Variants in ULK4 observed in about 807,000 individuals in gnomAD.
ULK4 encodes the protein unc-51 like kinase 4.
Under a neutral mutation model 160.6 loss-of-function variants are expected in ULK4, and 133 were observed. The ratio of observed to expected loss-of-function variants is 0.83; its 90% CI spans 0.72 to 0.96. The LOEUF (loss-of-function observed/expected upper bound fraction) is 0.96. Among genes scored for constraint, ULK4 ranks in the 40% least tolerant of loss-of-function variants. ULK4 has a pLI of 0.00. For missense variants in ULK4, 1,580 were observed against 1,499.5 expected (o/e 1.05, Z -0.89); for synonymous variants, 534 against 539.8 (o/e 0.99, Z 0.15).
At chr3:41,605,359 G>A (rs1237023359) in intron 31 of ULK4, among the ~76,000 whole-genome samples, 1 of 151,550 alleles carries the variant, frequency 6.6e-6, no homozygotes, top group African/African-American at 2.4e-5. Flanking sequence ...CTATCTTCAA[G>A]AAAACAATTT....
chr3:41,555,034 C>A (rs1297400462), intron 32 of ULK4, among the ~76,000 whole-genome samples: 2 of 151,980 alleles, frequency 1.3e-5, no homozygotes, highest in African/African-American at 4.8e-5. Flanking sequence ...CTTGAAAATT[C>A]ATGCATCAGA....
chr3:41,636,125 GTTACTTTCATTACATGTA>G (rs1334719167), intron 30 of ULK4, among the ~76,000 whole-genome samples: 2 of 152,106 alleles, frequency 1.3e-5, no homozygotes, highest in East Asian at 3.9e-4. Flanking sequence ...AACTCTGAGT[GTTACTTTCATTACATGTA>G]TTACCATTGC....
intron 30 of ULK4, among the ~76,000 whole-genome samples, chr3:41,646,267 G>C (rs562600323): frequency 6.6e-6 from 1 of 152,292 alleles, no homozygotes; most frequent in South Asian, 2.1e-4. Flanking sequence ...CTCGTTAGTT[G>C]ATGCAGTTTC....
chr3:41,454,404 G>C lies in ULK4; in HGVS notation c.3492+1093C>G, dbSNP rs1321505014. ...AAAATGCAAAAATTAGCTGGGCGTG[G>C]TGGTGGGCACCTGTAATCCCAGCTA... is the stretch of plus-strand genomic sequence containing the variant. On this transcript the variant is annotated intron_variant, in intron 34 of 36. Coordinates refer to ENST00000301831, the MANE Select transcript of ULK4 (RefSeq NM_017886.4). 4.6e-5 allele frequency among the ~76,000 whole-genome samples: 7 copies of C among 150,956 alleles called. 1 individual carries two copies. The highest frequency in any genetic ancestry group is 1.0e-4 in the Non-Finnish European group (7 of 67,772).
At chr3:41,441,198 G>C (rs1196351568) in intron 34 of ULK4, among the ~76,000 whole-genome samples, 1 of 151,900 alleles carries the variant, frequency 6.6e-6, no homozygotes, top group Non-Finnish European at 1.5e-5. Context: ...GGTTTAATTT[G>C]CTCTTCTTTT....
At chr3:41,346,280 C>T (rs984386408) in intron 35 of ULK4, among the ~76,000 whole-genome samples, 3 of 152,280 alleles carry the variant, frequency 2.0e-5, no homozygotes, top group Admixed American at 2.0e-4. Flanking sequence ...CTTCTCACCT[C>T]TTCCACGACC....
At chr3:41,476,092 C>A (rs944196570) in intron 32 of ULK4, among the ~76,000 whole-genome samples, 1 of 150,798 alleles carries the variant, frequency 6.6e-6, no homozygotes, top group East Asian at 2.0e-4. Context: ...GGAGGGAGGG[C>A]AAGCAGGAAG....
At chr3:41,301,051 G>A (rs114122037) in intron 35 of ULK4, among the ~76,000 whole-genome samples, 1 of 151,186 alleles carries the variant, frequency 6.6e-6, no homozygotes, top group Non-Finnish European at 1.5e-5. Flanking sequence ...CATGTGGATG[G>A]AGCAGGACTA....
chr3:41,246,761 G>A lies in ULK4; in HGVS notation c.*168C>T. 1 of 683,650 alleles carries A rather than the reference G, an allele frequency of 1.5e-6. No individual in the cohort carries two copies. The highest frequency in any genetic ancestry group is 1.8e-5 in the African/African-American group (1 of 55,334). The allele number at this position is 683,650 out of a possible 1,614,324, so 42.3% of individuals were successfully genotyped here. A position where few individuals can be genotyped will look rare whatever the true frequency, so the allele number is the denominator to read the frequency against. On this transcript the variant is annotated 3_prime_UTR_variant, in exon 37 of 37. Coordinates refer to ENST00000301831, the MANE Select transcript of ULK4 (RefSeq NM_017886.4). Reference sequence around the variant, plus strand: ...AAGTCCATTCTGAGTCAGTTTTCTAGGCCCTGGGGTTAGTGAGCACTTGGG... The same window carrying A: ...AAGTCCATTCTGAGTCAGTTTTCTAAGCCCTGGGGTTAGTGAGCACTTGGG...
chr3:41,579,855 G>A (rs1039939175), intron 31 of ULK4, among the ~76,000 whole-genome samples: 1 of 152,174 alleles, frequency 6.6e-6, no homozygotes, highest in Non-Finnish European at 1.5e-5. Flanking sequence ...TTGGAGAGAC[G>A]TGCACAGACA....
At chr3:41,903,524 C>T (rs1200556171) in intron 12 of ULK4, among the ~76,000 whole-genome samples, 1 of 149,790 alleles carries the variant, frequency 6.7e-6, no homozygotes, top group Non-Finnish European at 1.5e-5. Flanking sequence ...GGCAGAGGCG[C>T]AATGAGCCAA....
chr3:41,739,927 A>C (rs1162658338), intron 22 of ULK4, among the ~76,000 whole-genome samples: 1 of 151,912 alleles, frequency 6.6e-6, no homozygotes, highest in Non-Finnish European at 1.5e-5. Context: ...TAATACACAA[A>C]TTAACTATTA....
chr3:41,668,361 TCAA>T (rs1342750621), intron 29 of ULK4, among the ~76,000 whole-genome samples: 1 of 152,218 alleles, frequency 6.6e-6, no homozygotes, highest in East Asian at 1.9e-4. Context: ...ACATTTTTGG[TCAA>T]CAACAGATGG....
chr3:41,705,082 A>G lies in ULK4; in HGVS notation c.2756T>C (p.Ile919Thr). Residue 919 changes from isoleucine to threonine, a missense_variant, in exon 27 of 37, where the codon ATT (isoleucine) becomes ACT (threonine). Physicochemically the swap from Ile to Thr is moderately conservative, Grantham distance 89. Transcript: ENST00000301831. Reference protein sequence around the residue: ...SAFEAIIQYPILLKDYRSTVV... With the variant: ...SAFEAIIQYPTLLKDYRSTVV... ...CGTGGAGCGATAGTCTTTCAATAAAATAGGATACTGTATTATTGCTTCAAA... is the reference window on the plus strand; with the variant it reads ...CGTGGAGCGATAGTCTTTCAATAAAGTAGGATACTGTATTATTGCTTCAAA... 1 of 1,613,322 alleles carries G rather than the reference A, an allele frequency of 6.2e-7. No homozygotes were observed. The highest frequency in any genetic ancestry group is 1.7e-5 in the Admixed American group (1 of 59,886).
At chr3:41,685,319 G>A (rs1474234560) in intron 27 of ULK4, among the ~76,000 whole-genome samples, 1 of 152,116 alleles carries the variant, frequency 6.6e-6, no homozygotes, top group Non-Finnish European at 1.5e-5. Context: ...TTCTCAGCAG[G>A]GAATGAGACA....
chr3:41,531,741 C>T (rs2086328209), intron 32 of ULK4, among the ~76,000 whole-genome samples: 1 of 151,954 alleles, frequency 6.6e-6, no homozygotes, highest in African/African-American at 2.4e-5. Context: ...AAACCAGAGT[C>T]AAATAGAGTA....
chr3:41,726,458 G>T (rs1303731584), intron 22 of ULK4, among the ~76,000 whole-genome samples: 1 of 152,208 alleles, frequency 6.6e-6, no homozygotes, highest in East Asian at 1.9e-4. Context: ...AAACATTTGA[G>T]CATAGTGTCC....
chr3:41,469,168 T>A (rs1191545998), intron 32 of ULK4, among the ~76,000 whole-genome samples: 1 of 152,108 alleles, frequency 6.6e-6, no homozygotes, highest in Non-Finnish European at 1.5e-5. Flanking sequence ...AGAGGCTCTA[T>A]CTATCACACC....
At chr3:41,287,323 A>G (rs1039596553) in intron 35 of ULK4, among the ~76,000 whole-genome samples, 2 of 152,162 alleles carry the variant, frequency 1.3e-5, no homozygotes, top group African/African-American at 4.8e-5. Context: ...AACTTAGTGG[A>G]AGGAAGGAAA....
Sources: allele counts gnomAD v4.1 joint callset (sites outside exome capture counted in the v4.1 genomes callset), GRCh38; gene constraint gnomAD v4.1.1; transcripts MANE v1.5; gene names NCBI Gene and HGNC (gene_info 2026-07-23, HGNC 2026-07-21).